Variants in SVOP observed in about 807,000 individuals in gnomAD.
The protein encoded by SVOP is SV2 related protein.
A neutral mutation model predicts 69.1 loss-of-function variants in SVOP; 17 were observed. That is an observed-to-expected ratio of 0.25 (90% confidence interval 0.17 to 0.37). SVOP has a LOEUF of 0.37. SVOP is among the 10% of genes least tolerant of loss of function. SVOP has a pLI of 1.00. For missense variants in SVOP, 435 were observed against 597.5 expected (o/e 0.73, Z 2.84); for synonymous variants, 238 against 238.6 (o/e 1.00, Z 0.02).
intron 1 of SVOP, among the ~76,000 whole-genome samples, chr12:109,011,113 C>T (rs12423012): frequency 0.91 from 138,110 of 151,790 alleles, 63,725 homozygotes; most frequent in Non-Finnish European, 1. Flanking sequence ...CAGGGTTTCA[C>T]CATGTTGTCC....
chr12:108,980,005 C>T (rs1440244981), intron 2 of SVOP, among the ~76,000 whole-genome samples: 1 of 152,050 alleles, frequency 6.6e-6, no homozygotes, highest in Non-Finnish European at 1.5e-5. Flanking sequence ...GTCCCCATCT[C>T]TACTAAAAAT....
intron 1 of SVOP, among the ~76,000 whole-genome samples, chr12:109,010,858 G>A (rs1278583448): frequency 6.6e-6 from 1 of 152,002 alleles, no homozygotes; most frequent in Admixed American, 6.6e-5. Context: ...AAGCTGGCTG[G>A]CATAAAATGT....
At chr12:108,966,471 C>T (rs1386496042) in intron 5 of SVOP, among the ~76,000 whole-genome samples, 3 of 151,830 alleles carry the variant, frequency 2.0e-5, no homozygotes, top group Admixed American at 1.3e-4. Flanking sequence ...GTGAACGCCC[C>T]GGCAGGAATC....
intron 6 of SVOP, among the ~76,000 whole-genome samples, chr12:108,950,446 C>T (rs1593187898): frequency 6.6e-6 from 1 of 151,984 alleles, no homozygotes; most frequent in African/African-American, 2.4e-5. Context: ...TGCAGTGGCA[C>T]GATAATGGCT....
intron 5 of SVOP, among the ~76,000 whole-genome samples, chr12:108,963,608 C>T (rs1380023573): frequency 1.3e-5 from 2 of 152,174 alleles, no homozygotes; most frequent in African/African-American, 2.4e-5. Flanking sequence ...CTGCCTCAGC[C>T]TCTGAGTAGC....
rs140189384 is a variant in SVOP, at chr12:108,989,983, C to T, written c.36-6222G>A. ...TATGAATTAGGTACAGTTATTATAC[C>T]CATTTTATACATGAGGAAATGGCTG... On this transcript the variant is annotated intron_variant, in intron 1 of 15. Coordinates refer to ENST00000610966, the MANE Select transcript of SVOP (RefSeq NM_018711.5). Among the ~76,000 whole-genome samples the T allele has an allele frequency of 5.8e-3, 885 of 152,258 alleles. 7 individuals are homozygous for T. Among genetic ancestry groups the T allele is most frequent in the South Asian group, 0.034 (164 of 4,828 alleles).
chr12:109,016,425 T>A (rs2040367997), intron 1 of SVOP, among the ~76,000 whole-genome samples: 1 of 152,182 alleles, frequency 6.6e-6, no homozygotes, highest in Non-Finnish European at 1.5e-5. Flanking sequence ...ATTCAGCAAA[T>A]GCAGGATGAT....
At chr12:108,952,378 G>A (rs2039960792) in intron 6 of SVOP, among the ~76,000 whole-genome samples, 2 of 151,798 alleles carry the variant, frequency 1.3e-5, no homozygotes, top group South Asian at 2.1e-4. Context: ...AGGATTACAG[G>A]TGTGCACCAC....
chr12:108,937,487 A>G (rs761481348), intron 9 of SVOP, 150 bp from the exon 10 acceptor site: 7 of 772,234 alleles, frequency 9.1e-6, no homozygotes, highest in Non-Finnish European at 1.6e-5. Context: ...TCTCAAATCT[A>G]CAGGACGCAG....
chr12:108,960,271 C>T (rs1166475047), intron 6 of SVOP, among the ~76,000 whole-genome samples: 1 of 152,176 alleles, frequency 6.6e-6, no homozygotes, highest in African/African-American at 2.4e-5. Flanking sequence ...CAAAACCAGT[C>T]AGCAGGTCGA....
intron 1 of SVOP, 117 bp from the exon 2 acceptor site, chr12:108,983,878 T>C: frequency 2.5e-6 from 1 of 397,830 alleles, no homozygotes. Flanking sequence ...GGAGAGTTGA[T>C]GGATGGGGGT....
At chr12:108,920,748 C>T (rs1215452832) in intron 12 of SVOP, among the ~76,000 whole-genome samples, 4 of 152,120 alleles carry the variant, frequency 2.6e-5, no homozygotes, top group Non-Finnish European at 5.9e-5. Flanking sequence ...CAGGTGCACG[C>T]CATCATGCCC....
chr12:108,923,302 T>A (rs1484890969), intron 11 of SVOP, among the ~76,000 whole-genome samples: 1 of 152,140 alleles, frequency 6.6e-6, no homozygotes, highest in Non-Finnish European at 1.5e-5. Flanking sequence ...CTCTTATGCT[T>A]TTCCTTGATG....
At chr12:108,937,579 A>G (rs2039863969) in intron 9 of SVOP, among the ~76,000 whole-genome samples, 1 of 152,120 alleles carries the variant, frequency 6.6e-6, no homozygotes. Flanking sequence ...TCCAACCTGG[A>G]AACCTGGACT....
chr12:108,937,231 A>C, intron 10 of SVOP, 33 bp downstream of exon 10: 1 of 1,611,272 alleles, frequency 6.2e-7, no homozygotes, highest in East Asian at 2.2e-5. Context: ...AGGGAGTGGA[A>C]AGGGGTCAAA....
chr12:109,002,718 A>G (rs2040279790), intron 1 of SVOP, among the ~76,000 whole-genome samples: 2 of 151,116 alleles, frequency 1.3e-5, no homozygotes, highest in African/African-American at 4.9e-5. Flanking sequence ...ACAAAAAACC[A>G]AACACCGCGT....
chr12:108,954,379 T>G (rs1205413606), intron 6 of SVOP, among the ~76,000 whole-genome samples: 1 of 152,090 alleles, frequency 6.6e-6, no homozygotes, highest in Non-Finnish European at 1.5e-5. Flanking sequence ...AATAAACACA[T>G]GGAAGGGCTA....
At chr12:108,932,583 G>A (rs958143735) in intron 11 of SVOP, among the ~76,000 whole-genome samples, 1 of 152,054 alleles carries the variant, frequency 6.6e-6, no homozygotes. Context: ...GAAATCCTAA[G>A]CTCCCAATCT....
chr12:108,991,442 C>T (rs372353335), intron 1 of SVOP, among the ~76,000 whole-genome samples: 7 of 13,990 alleles, frequency 5.0e-4, no homozygotes, highest in African/African-American at 1.6e-3. Context: ...TCGGGTTTTG[C>T]TTGTTTGTTT....
Sources: gnomAD v4.1 joint callset for allele counts (sites outside exome capture counted in the v4.1 genomes callset) on GRCh38, gnomAD v4.1.1 for gene constraint, MANE v1.5 for transcripts, NCBI Gene and HGNC (gene_info 2026-07-23, HGNC 2026-07-21) for gene names.